JAK2: variants seen among roughly 807,000 people sequenced by gnomAD.
The protein encoded by JAK2 is Janus kinase 2.
Under a neutral mutation model 139.3 loss-of-function variants are expected in JAK2, and 86 were observed. The ratio of observed to expected loss-of-function variants is 0.62; its 90% confidence interval spans 0.52 to 0.74. The LOEUF is 0.74. Among genes scored for constraint, JAK2 ranks in the 30% least tolerant of loss-of-function variants. The probability of loss-of-function intolerance (pLI) is 0.00; values close to 1 mark genes in which losing one functional copy is unlikely to be tolerated. For synonymous variants in JAK2, 490 were observed against 437.7 expected (o/e 1.12, Z -1.49); for missense variants, 1,421 against 1,360.3 (o/e 1.04, Z -0.70).
At chr9:5,049,941 T>A (rs965772895) in intron 5 of JAK2, among the ~76,000 whole-genome samples, 2 of 152,166 alleles carry the variant, frequency 1.3e-5, no homozygotes, top group African/African-American at 4.8e-5. Flanking sequence ...AAAGATACAG[T>A]AAAAATGCAG....
At position 5,072,511 on chromosome 9, in the gene JAK2, G is replaced by C; in HGVS notation, c.1661G>C (p.Gly554Ala). ...DLIFNESLGQ[G>A]TFTKIFKGVR... is the part of the protein sequence containing the mutation. Reference sequence around the variant, plus strand: ...TTGAAGAATGAAAGCCTTGGCCAAGGCACTTTTACAAAGATTTTTAAAGGC... The same window carrying C: ...TTGAAGAATGAAAGCCTTGGCCAAGCCACTTTTACAAAGATTTTTAAAGGC... The change falls in exon 13 of 25, where the codon GGC becomes GCC. Residue 554 changes from glycine (G) to alanine (A), a missense_variant. Physicochemically the swap from Gly to Ala is moderately conservative, Grantham distance 60. Transcript: ENST00000381652. 6.3e-7 allele frequency: 1 copy of C among 1,589,404 alleles called. No homozygotes were observed. Among genetic ancestry groups the C allele is most frequent in the Non-Finnish European group, 8.6e-7 (1 of 1,166,160 alleles).
chr9:5,072,603 A>G lies in JAK2; in HGVS notation c.1753A>G (p.Lys585Glu), dbSNP rs996060139. 2.5e-6 allele frequency: 4 copies of G among 1,607,470 alleles called. No individual in the cohort carries two copies. Among genetic ancestry groups the G allele is most frequent in the Non-Finnish European group, 3.4e-6 (4 of 1,176,184 alleles). ...ETEVLLKVLD[K>E]AHRNYSESFF... is the part of the protein sequence containing the mutation. Reference sequence around the variant, plus strand: ...AGAAGTTCTTTTAAAAGTTCTGGATAAAGCACACAGAAACTATTCAGAGGT... The same window carrying G: ...AGAAGTTCTTTTAAAAGTTCTGGATGAAGCACACAGAAACTATTCAGAGGT... The change falls in exon 13 of 25, where the codon AAA becomes GAA. Residue 585 changes from lysine (K) to glutamate (E), a missense_variant. Physicochemically the swap from Lys to Glu is moderately conservative, Grantham distance 56. Transcript: ENST00000381652.
At chr9:5,121,679 A>C (rs1331460119) in intron 22 of JAK2, among the ~76,000 whole-genome samples, 3 of 152,214 alleles carry the variant, frequency 2.0e-5, no homozygotes, top group African/African-American at 7.2e-5. Flanking sequence ...CATACACTTC[A>C]AAAAGACAAA....
intron 8 of JAK2, among the ~76,000 whole-genome samples, chr9:5,060,113 C>G (rs1013134264): frequency 6.6e-6 from 1 of 152,146 alleles, no homozygotes; most frequent in Non-Finnish European, 1.5e-5. Flanking sequence ...AAGTGTGCAA[C>G]AGCATTATGT....
intron 4 of JAK2, among the ~76,000 whole-genome samples, chr9:5,032,642 G>C (rs989558332): frequency 1.3e-5 from 2 of 152,232 alleles, no homozygotes; most frequent in African/African-American, 4.8e-5. Flanking sequence ...ACAGGGTCTG[G>C]AGTGGACCTC....
chr9:5,103,645 T>G (rs902492664), intron 22 of JAK2, among the ~76,000 whole-genome samples: 1 of 152,130 alleles, frequency 6.6e-6, no homozygotes, highest in Non-Finnish European at 1.5e-5. Context: ...ATCACACTTA[T>G]TCCAAAATAG....
chr9:5,044,839 C>T (rs1816887233), intron 5 of JAK2, among the ~76,000 whole-genome samples: 1 of 152,036 alleles, frequency 6.6e-6, no homozygotes. Context: ...ACATACGTGG[C>T]TAAAATATTA....
At chr9:5,099,477 A>G (rs1821293790) in intron 22 of JAK2, 1 of 152,218 alleles carries the variant, frequency 6.6e-6, no homozygotes. Context: ...TCCATTATTC[A>G]GTTAAAATTA....
chr9:5,069,718 T>G (rs145547537), intron 11 of JAK2, among the ~76,000 whole-genome samples: 2 of 152,248 alleles, frequency 1.3e-5, no homozygotes, highest in East Asian at 3.9e-4. Flanking sequence ...AGGAAGTGAT[T>G]ATAATTTTGA....
rs1231849995 is a variant in JAK2, at chr9:5,129,821, G to A, written c.*3030G>A. 6.6e-6 allele frequency among the ~76,000 whole-genome samples: 1 copy of A among 152,082 alleles called. No homozygotes were observed. The highest frequency in any genetic ancestry group is 1.5e-5 in the Non-Finnish European group (1 of 67,968). ...CAAATTCATGTATGTATATCATATA[G>A]CCTTTAACTTTTTACATTAATCAGA... is the stretch of plus-strand genomic sequence containing the variant. On this transcript the variant is annotated 3_prime_UTR_variant, in exon 25 of 25. Transcript: ENST00000381652.
chr9:5,026,658 G>C (rs1035993955), intron 3 of JAK2, among the ~76,000 whole-genome samples: 1 of 152,164 alleles, frequency 6.6e-6, no homozygotes, highest in Admixed American at 6.5e-5. Flanking sequence ...TGGTTATTCT[G>C]TGGAACTTCT....
chr9:5,078,723 T>C (rs1819479130), intron 16 of JAK2, among the ~76,000 whole-genome samples: 1 of 152,190 alleles, frequency 6.6e-6, no homozygotes, highest in Non-Finnish European at 1.5e-5. Context: ...TAGTATGAAG[T>C]TTTGTAATAT....
At chr9:5,086,857 C>T (rs925151110) in intron 19 of JAK2, among the ~76,000 whole-genome samples, 2 of 152,130 alleles carry the variant, frequency 1.3e-5, no homozygotes, top group African/African-American at 4.8e-5. Context: ...TCTCATAGAG[C>T]AGTTTGTATC....
intron 19 of JAK2, among the ~76,000 whole-genome samples, chr9:5,087,088 A>G (rs555768407): frequency 1.3e-5 from 2 of 152,212 alleles, no homozygotes; most frequent in Non-Finnish European, 2.9e-5. Context: ...GGTTTCCAAC[A>G]TTGGTTAGGC....
intron 19 of JAK2, among the ~76,000 whole-genome samples, chr9:5,088,845 T>A (rs1014881223): frequency 5.9e-5 from 9 of 151,964 alleles, no homozygotes; most frequent in African/African-American, 2.2e-4. Flanking sequence ...TCCACCCTTA[T>A]AACCTAATTT....
intron 8 of JAK2, among the ~76,000 whole-genome samples, chr9:5,060,293 G>C (rs902961699): frequency 6.6e-6 from 1 of 152,162 alleles, no homozygotes. Context: ...AATTTCTTAA[G>C]ATAACAATGA....
In JAK2 at chr9:5,065,049, TAC is replaced by T; in HGVS notation, c.1214+11_1214+12del. ...TGTCATGGCCCAATTTCGTGAGTAA[TAC>T]AGACTTAAAAGTAAATTTTTAGAAA... is the stretch of plus-strand genomic sequence containing the variant. On this transcript the variant is annotated intron_variant, in intron 9 of 24. Coordinates refer to ENST00000381652, the MANE Select transcript of JAK2 (RefSeq NM_004972.4). The T allele has an allele frequency of 6.5e-7, 1 of 1,535,740 alleles. No individual in the cohort carries two copies. Among genetic ancestry groups the T allele is most frequent in the East Asian group, 2.3e-5 (1 of 42,564 alleles).
intron 4 of JAK2, chr9:5,041,106 C>T: frequency 1.3e-6 from 1 of 785,694 alleles, no homozygotes; most frequent in Non-Finnish European, 2.1e-6. Context: ...ACCTGTTCGA[C>T]CTTCACGCCC....
chr9:5,014,392 A>G (rs573465630), intron 2 of JAK2, among the ~76,000 whole-genome samples: 78 of 152,266 alleles, frequency 5.1e-4, no homozygotes, highest in Middle Eastern at 3.4e-3. Context: ...CATTTATTCA[A>G]CAACTTTCAT....
Sources: allele counts gnomAD v4.1 joint callset (sites outside exome capture counted in the v4.1 genomes callset), GRCh38; gene constraint gnomAD v4.1.1; transcripts MANE v1.5; gene names NCBI Gene and HGNC (gene_info 2026-07-23, HGNC 2026-07-21).